DPF3: variants seen among roughly 807,000 people sequenced by gnomAD.
The protein encoded by DPF3 is zinc finger protein DPF3.
DPF3 carries 18 observed loss-of-function variants against 56.8 expected under a neutral mutation model. The ratio of observed to expected loss-of-function variants is 0.32; its 90% confidence interval spans 0.22 to 0.47. The LOEUF (loss-of-function observed/expected upper bound fraction) is 0.47, where lower values mean the gene tolerates loss of function less well. DPF3 is among the 20% of genes least tolerant of loss of function. DPF3 has a pLI of 1.00. For missense variants in DPF3, 403 were observed against 488.8 expected, an observed-to-expected ratio of 0.82 and a Z score of 1.65; for synonymous variants, 188 against 180.2, an observed-to-expected ratio of 1.04 and a Z score of -0.35.
intron 1 of DPF3, among the ~76,000 whole-genome samples, chr14:72,867,601 T>A (rs142149376): frequency 8.3e-4 from 127 of 152,296 alleles, no homozygotes; most frequent in African/African-American, 2.7e-3. Flanking sequence ...AACAAGAGCA[T>A]CACACTGCAA....
intron 2 of DPF3, among the ~76,000 whole-genome samples, chr14:72,754,157 T>C (rs1272500851): frequency 1.3e-5 from 2 of 152,088 alleles, no homozygotes; most frequent in Non-Finnish European, 2.9e-5. Flanking sequence ...GTGGCTCTGG[T>C]GGCAGCCACG....
intron 3 of DPF3, among the ~76,000 whole-genome samples, chr14:72,744,801 T>C (rs1461991235): frequency 7.0e-6 from 1 of 143,484 alleles, no homozygotes; most frequent in Non-Finnish European, 1.5e-5. Flanking sequence ...TTGGCATAAA[T>C]TTTTTGTGAC....
intron 9 of DPF3, 119 bp from the exon 10 acceptor site, chr14:72,620,103 G>T: frequency 9.7e-7 from 1 of 1,035,180 alleles, no homozygotes; most frequent in Non-Finnish European, 1.3e-6. Flanking sequence ...CCCCTTTCCA[G>T]GCCCCACTTG....
chr14:72,748,974 T>G (rs1890440482), intron 3 of DPF3, among the ~76,000 whole-genome samples: 1 of 152,134 alleles, frequency 6.6e-6, no homozygotes, highest in Non-Finnish European at 1.5e-5. Context: ...AAATGTCGGG[T>G]GGGAGCCCCC....
chr14:72,889,248 C>G (rs1382540857), intron 1 of DPF3, among the ~76,000 whole-genome samples: 2 of 152,156 alleles, frequency 1.3e-5, no homozygotes, highest in Non-Finnish European at 2.9e-5. Flanking sequence ...AGAGGTTTAC[C>G]CTGTGACAAT....
rs138532758 is a variant in DPF3 at position 72,687,911 on chromosome 14, G to T, written c.742+5165C>A. Among the ~76,000 whole-genome samples, 233 of 152,044 alleles carry T rather than the reference G, an allele frequency of 1.5e-3. 1 individual carries two copies. The highest frequency in any genetic ancestry group is 5.2e-3 in the African/African-American group (216 of 41,490). ...CATTTTCAACAAGGTCCCAAGGGAT[G>T]CTAATGCCACACTTGGAATACCACT... On this transcript the variant is annotated intron_variant, in intron 7 of 10. Transcript: ENST00000556509.
rs1423701315 is a variant in DPF3 at position 72,868,160 on chromosome 14, C to T, written c.32+25897G>A. ...TTTTAAAGGAACTACATCTGAACAT[C>T]GTAAGATTCAATGCCTTTTTAACCT... On this transcript the variant is annotated intron_variant, in intron 1 of 10. Transcript: ENST00000556509. 5.3e-5 allele frequency among the ~76,000 whole-genome samples: 8 copies of T among 152,074 alleles called. No homozygotes were observed. The East Asian group carries it at 1.5e-3, about 29-fold the overall frequency.
At chr14:72,698,939 C>A (rs964070883) in intron 6 of DPF3, among the ~76,000 whole-genome samples, 1 of 151,996 alleles carries the variant, frequency 6.6e-6, no homozygotes, top group African/African-American at 2.4e-5. Context: ...ATGTCAGCTA[C>A]GGAAAGCAAA....
intron 7 of DPF3, among the ~76,000 whole-genome samples, chr14:72,691,811 G>A (rs560891552): frequency 5.3e-5 from 8 of 152,174 alleles, no homozygotes; most frequent in South Asian, 2.1e-4. Flanking sequence ...TGTGCGAGCG[G>A]ACAGGAGAAG....
At position 72,661,854 on chromosome 14, in the gene DPF3, C is replaced by CT. The variant is rs60114618; in HGVS notation, c.871+12385dup. 8,299 of 919,630 alleles carry CT rather than the reference C, an allele frequency of 9.0e-3. 7 individuals are homozygous for CT. Among genetic ancestry groups the CT allele is most frequent in the South Asian group, 0.011 (215 of 19,392 alleles). The allele number at this position is 919,630 out of a possible 1,614,324, so 57.0% of individuals were successfully genotyped here. On this transcript the variant is annotated intron_variant, in intron 8 of 10. Transcript: ENST00000556509. Reference sequence around the variant, plus strand: ...ACCTCAGCTGATGCTTTTATTTTTGCTTTTTTTTTTTTTTTTTTTTTGCTG... The same window carrying CT: ...ACCTCAGCTGATGCTTTTATTTTTGCTTTTTTTTTTTTTTTTTTTTTTGCTG...
At chr14:72,764,294 T>C (rs1473527708) in intron 2 of DPF3, among the ~76,000 whole-genome samples, 2 of 152,132 alleles carry the variant, frequency 1.3e-5, no homozygotes, top group Admixed American at 6.5e-5. Flanking sequence ...CCAAATGGAC[T>C]AGATTCAGAG....
chr14:72,678,214 C>T (rs1458012827), intron 7 of DPF3, among the ~76,000 whole-genome samples: 1 of 152,164 alleles, frequency 6.6e-6, no homozygotes, highest in Non-Finnish European at 1.5e-5. Context: ...AGAGATTGTG[C>T]CTCTAATCAC....
Position 72,610,789 on chromosome 14 carries a change from G to A in DPF3, c.*8508C>T, listed in dbSNP as rs1883676010. ...CAGGTTCATCCCTCAAGGAGCTGGGGACCTGAGGGCTCAGGGCCCACCACT... is the reference window on the plus strand; with the variant it reads ...CAGGTTCATCCCTCAAGGAGCTGGGAACCTGAGGGCTCAGGGCCCACCACT... On this transcript the variant is annotated 3_prime_UTR_variant, in exon 11 of 11. Coordinates refer to ENST00000556509, the MANE Select transcript of DPF3 (RefSeq NM_001280542.3). 6.6e-6 allele frequency among the ~76,000 whole-genome samples: 1 copy of A among 152,180 alleles called. No homozygotes were observed. The highest frequency in any genetic ancestry group is 2.4e-5 in the African/African-American group (1 of 41,444).
At chr14:72,725,432 G>A (rs575610925) in intron 4 of DPF3, among the ~76,000 whole-genome samples, 9 of 152,190 alleles carry the variant, frequency 5.9e-5, no homozygotes, top group African/African-American at 1.7e-4. Context: ...GAGGACAGAG[G>A]GGAGGGAGGG....
intron 5 of DPF3, among the ~76,000 whole-genome samples, chr14:72,721,560 A>G (rs74062362): frequency 0.024 from 3,587 of 152,322 alleles, 145 homozygotes; most frequent in African/African-American, 0.082. Context: ...ATCATTAAGT[A>G]AAAACTTGAT....
At chr14:72,873,036 C>A (rs1006538982) in intron 1 of DPF3, among the ~76,000 whole-genome samples, 19 of 152,174 alleles carry the variant, frequency 1.2e-4, no homozygotes, top group African/African-American at 4.3e-4. Flanking sequence ...TCTAAAACAC[C>A]AAAAGCAATG....
At chr14:72,754,010 CAA>C (rs1160436020) in intron 2 of DPF3, among the ~76,000 whole-genome samples, 1 of 139,730 alleles carries the variant, frequency 7.2e-6, no homozygotes. Flanking sequence ...CTGGGCCTTA[CAA>C]AAAAAAAAAA....
intron 1 of DPF3, among the ~76,000 whole-genome samples, chr14:72,786,064 C>T (rs953567477): frequency 6.6e-6 from 1 of 152,150 alleles, no homozygotes; most frequent in South Asian, 2.1e-4. Context: ...GAGTTCGAGA[C>T]TAGCCTGGCC....
intron 1 of DPF3, among the ~76,000 whole-genome samples, chr14:72,831,880 C>T (rs565139486): frequency 1.3e-5 from 2 of 152,282 alleles, no homozygotes; most frequent in South Asian, 4.1e-4. Context: ...GTTCATTGCT[C>T]TATTTTCACA....
Sources: gnomAD v4.1 joint callset for allele counts (sites outside exome capture counted in the v4.1 genomes callset) on GRCh38, gnomAD v4.1.1 for gene constraint, MANE v1.5 for transcripts, NCBI Gene and HGNC (gene_info 2026-07-23, HGNC 2026-07-21) for gene names.